ERI3: variants seen among roughly 807,000 people sequenced by gnomAD.
The protein encoded by ERI3 is ERI1 exoribonuclease 3.
ERI3 carries 18 observed loss-of-function variants against 44.4 expected under a neutral mutation model. The observed-to-expected ratio is 0.41, with a 90% CI of 0.28 to 0.60. The LOEUF is 0.60. Among genes scored for constraint, ERI3 ranks in the 20% least tolerant of loss-of-function variants. The pLI, the probability that ERI3 is intolerant of heterozygous loss-of-function variation, is 0.36. For synonymous variants in ERI3, 183 were observed against 164.8 expected (o/e 1.11, Z -0.84); for missense variants, 294 against 435.5 (o/e 0.68, Z 2.89).
At chr1:44,258,190 G>C (rs545285706) in intron 7 of ERI3, among the ~76,000 whole-genome samples, 2 of 152,280 alleles carry the variant, frequency 1.3e-5, no homozygotes, top group South Asian at 4.2e-4. Context: ...CTCAGAAGTT[G>C]GACAGGCCTG....
At position 44,228,296 on chromosome 1, in the gene ERI3, A is replaced by G. The variant is rs1644094127; in HGVS notation, c.932-6656T>C. ...TGCCACAGGCTGATGGTGAAGGATG[A>G]CGATGGTTCCACAATAAGGGGAAAA... On this transcript the variant is annotated intron_variant, in intron 8 of 8. Coordinates refer to ENST00000372257, the MANE Select transcript of ERI3 (RefSeq NM_024066.3). This position sits in a 1 kb window ranked among gnomAD's most constrained non-coding sequence, Gnocchi z 4.3. 6.6e-6 allele frequency among the ~76,000 whole-genome samples: 1 copy of G among 152,142 alleles called. No individual in the cohort carries two copies. The highest frequency in any genetic ancestry group is 1.5e-5 in the Non-Finnish European group (1 of 68,016).
At chr1:44,346,671 T>G (rs1646789576) in intron 2 of ERI3, among the ~76,000 whole-genome samples, 1 of 152,160 alleles carries the variant, frequency 6.6e-6, no homozygotes, top group Non-Finnish European at 1.5e-5. Context: ...TGTTAAATAC[T>G]TCCTATACTC....
rs116376220 is a variant in ERI3, at chr1:44,224,496, A to G, written c.932-2856T>C. Among the ~76,000 whole-genome samples the G allele has an allele frequency of 4.0e-3, 610 of 152,360 alleles. 2 individuals carry two copies. The highest frequency in any genetic ancestry group is 0.014 in the African/African-American group (575 of 41,578). On this transcript the variant is annotated intron_variant, in intron 8 of 8. Transcript: ENST00000372257. Reference sequence around the variant, plus strand: ...GCTGCATACCACACAGCAAGGGCTTAGCGTCTCTAATACTTAGGTTCCTCC... The same window carrying G: ...GCTGCATACCACACAGCAAGGGCTTGGCGTCTCTAATACTTAGGTTCCTCC...
intron 8 of ERI3, among the ~76,000 whole-genome samples, chr1:44,247,654 A>G (rs1016452235): frequency 1.3e-5 from 2 of 152,110 alleles, no homozygotes; most frequent in Non-Finnish European, 2.9e-5. Context: ...CCCACTAGAG[A>G]TGCAGCCAGT....
rs372090718 is a variant in ERI3 at position 44,339,340 on chromosome 1, T to TAAAAAA, written c.212-24_212-19dup. The TAAAAAA allele has an allele frequency of 2.0e-6, 2 of 976,746 alleles. No homozygotes were observed. The allele number at this position is 976,746 out of a possible 1,614,324, so 60.5% of individuals were successfully genotyped here. On this transcript the variant is annotated intron_variant, in intron 2 of 8. Transcript: ENST00000372257. ...ATCTAAAACTTAGGGGAGGAAAGTT[T>TAAAAAA]AAAAAAAAAAAAAAAAAAGAAAAGA... is the stretch of plus-strand genomic sequence containing the variant.
chr1:44,245,744 G>T (rs1228965786), intron 8 of ERI3, among the ~76,000 whole-genome samples: 2 of 152,196 alleles, frequency 1.3e-5, no homozygotes, highest in Non-Finnish European at 2.9e-5. Context: ...GAAGCACAAA[G>T]AGTGGGAACG....
chr1:44,243,986 C>G (rs1486800445), intron 8 of ERI3: 1 of 152,182 alleles, frequency 6.6e-6, no homozygotes, highest in Non-Finnish European at 1.5e-5. Flanking sequence ...CACTGAGACT[C>G]AGTTTCTTCA....
rs569846423 is a variant in ERI3, at chr1:44,243,669, T to C, written c.931+4270A>G. 7.2e-5 allele frequency: 11 copies of C among 152,280 alleles called. 1 individual carries two copies. In the South Asian group the frequency reaches 1.9e-3, roughly 26 times the overall value. The allele number at this position is 152,280 out of a possible 1,614,324, so 9.4% of individuals were successfully genotyped here. A position where few individuals can be genotyped will look rare whatever the true frequency, so the allele number is the denominator to read the frequency against. On this transcript the variant is annotated intron_variant, in intron 8 of 8. Transcript: ENST00000372257. Reference sequence around the variant, plus strand: ...CCAGAAGGAGGTCAGATGCCAACAATTGCAGGTCCCTGGCTCAGGGTGACT... The same window carrying C: ...CCAGAAGGAGGTCAGATGCCAACAACTGCAGGTCCCTGGCTCAGGGTGACT...
At chr1:44,341,767 G>A (rs1423596899) in intron 2 of ERI3, among the ~76,000 whole-genome samples, 1 of 152,130 alleles carries the variant, frequency 6.6e-6, no homozygotes, top group Non-Finnish European at 1.5e-5. Context: ...CTGCATGCCT[G>A]TAGTCCCAGC....
intron 2 of ERI3, among the ~76,000 whole-genome samples, chr1:44,346,062 G>C (rs1338150444): frequency 6.6e-6 from 1 of 152,162 alleles, no homozygotes. Context: ...ACATGCCCTG[G>C]AAGCTCCACA....
Position 44,355,079 on chromosome 1 carries a change from C to T in ERI3, c.-53G>A. The T allele has an allele frequency of 7.8e-7, 1 of 1,288,746 alleles. No individual in the cohort carries two copies. The highest frequency in any genetic ancestry group is 9.9e-7 in the Non-Finnish European group (1 of 1,012,910). The allele number at this position is 1,288,746 out of a possible 1,614,324, so 79.8% of individuals were successfully genotyped here. A position where few individuals can be genotyped will look rare whatever the true frequency, so the allele number is the denominator to read the frequency against. On this transcript the variant is annotated 5_prime_UTR_variant, in exon 1 of 9. Transcript: ENST00000372257. ...CGGCAGGCTCCCTCCAGGTGCAGGC[C>T]CCGACGTCTCCCTCGGCCTCAGCAA...
intron 7 of ERI3, among the ~76,000 whole-genome samples, chr1:44,250,303 A>G (rs1557785671): frequency 6.6e-6 from 1 of 152,252 alleles, no homozygotes; most frequent in Non-Finnish European, 1.5e-5. Context: ...AGGGCAGCTC[A>G]ACGTTATCTG....
intron 4 of ERI3, among the ~76,000 whole-genome samples, chr1:44,317,303 ACCC>A (rs1646109857): frequency 2.0e-5 from 3 of 152,116 alleles, no homozygotes; most frequent in African/African-American, 7.2e-5. Context: ...CTCCATCCCC[ACCC>A]GCAAAAGGCA....
chr1:44,261,940 T>C (rs2799475), intron 7 of ERI3, among the ~76,000 whole-genome samples: 49,838 of 151,986 alleles, frequency 0.33, 8,833 homozygotes, highest in African/African-American at 0.47. Context: ...CTCACCCTTT[T>C]CCTGCTCTTT....
chr1:44,322,742 C>T, intron 3 of ERI3: 3 of 1,549,526 alleles, frequency 1.9e-6, no homozygotes, highest in Non-Finnish European at 2.6e-6. Flanking sequence ...TATTGCCCAG[C>T]CAGTACTTCC....
chr1:44,345,947 T>C (rs1646774477), intron 2 of ERI3, among the ~76,000 whole-genome samples: 1 of 152,216 alleles, frequency 6.6e-6, no homozygotes. Context: ...GGAAAAGGCC[T>C]CACTAGTCAT....
At chr1:44,316,736 C>A (rs989205884) in intron 4 of ERI3, among the ~76,000 whole-genome samples, 2 of 152,218 alleles carry the variant, frequency 1.3e-5, no homozygotes, top group Non-Finnish European at 2.9e-5. Flanking sequence ...AAGCCCTTTA[C>A]TGGCACTTAG....
intron 8 of ERI3, among the ~76,000 whole-genome samples, chr1:44,245,692 G>A (rs1572100598): frequency 6.6e-6 from 1 of 152,166 alleles, no homozygotes; most frequent in East Asian, 1.9e-4. Flanking sequence ...CTAACCTAGG[G>A]TCAACAGGTG....
At chr1:44,346,661 T>C (rs962522925) in intron 2 of ERI3, among the ~76,000 whole-genome samples, 2 of 152,146 alleles carry the variant, frequency 1.3e-5, no homozygotes, top group Non-Finnish European at 2.9e-5. Context: ...TACCCAGAAC[T>C]GTTAAATACT....
Sources: gnomAD v4.1 joint callset for allele counts (sites outside exome capture counted in the v4.1 genomes callset) on GRCh38, gnomAD v4.1.1 for gene constraint, Gnocchi (gnomAD v3.1) non-coding constraint, MANE v1.5 for transcripts, NCBI Gene and HGNC (gene_info 2026-07-23, HGNC 2026-07-21) for gene names.